TXNDC11: variants seen among roughly 807,000 people sequenced by gnomAD.
TXNDC11 encodes thioredoxin domain containing 11.
Under a neutral mutation model 78.0 loss-of-function variants are expected in TXNDC11, and 68 were observed. The ratio of observed to expected loss-of-function variants is 0.87; its 90% CI spans 0.72 to 1.07. The LOEUF is 1.07. Ranked by LOEUF, TXNDC11 falls within the 50% of genes least tolerant of loss-of-function variation. The pLI is 0.00. For synonymous variants in TXNDC11, 571 were observed against 495.2 expected, an observed-to-expected ratio of 1.15 and a Z score of -2.03; for missense variants, 1,389 against 1,221.8, an observed-to-expected ratio of 1.14 and a Z score of -2.04.
chr16:11,741,438 G>A (rs1343609970), intron 1 of TXNDC11, among the ~76,000 whole-genome samples: 1 of 152,126 alleles, frequency 6.6e-6, no homozygotes, highest in Non-Finnish European at 1.5e-5. Flanking sequence ...CCTACTGTCA[G>A]GCCTTTTTAT....
chr16:11,694,593 G>A (rs7184536), intron 7 of TXNDC11, among the ~76,000 whole-genome samples: 10,980 of 151,594 alleles, frequency 0.072, 828 homozygotes, highest in East Asian at 0.18. Context: ...GACTACAGGC[G>A]CACACCACCA....
At chr16:11,715,788 G>A (rs2051511207) in intron 5 of TXNDC11, among the ~76,000 whole-genome samples, 1 of 152,154 alleles carries the variant, frequency 6.6e-6, no homozygotes, top group Non-Finnish European at 1.5e-5. Context: ...AATAGAAGCA[G>A]GTAGGAGGTG....
At chr16:11,713,217 G>C (rs1029304951) in intron 5 of TXNDC11, among the ~76,000 whole-genome samples, 1 of 151,190 alleles carries the variant, frequency 6.6e-6, no homozygotes, top group Non-Finnish European at 1.5e-5. Flanking sequence ...AGCCTGGGGA[G>C]GTTGAGGCTG....
intron 4 of TXNDC11, among the ~76,000 whole-genome samples, chr16:11,730,394 T>A (rs561034270): frequency 6.6e-6 from 1 of 152,206 alleles, no homozygotes; most frequent in Non-Finnish European, 1.5e-5. Context: ...TAAGGCAAGA[T>A]GAAAATCTGT....
Position 11,688,330 on chromosome 16 carries a change from G to C in TXNDC11, c.2016C>G (p.Thr672=), listed in dbSNP as rs1321552074. ...QHLITEVTTD[T]FWEVVLQKQD... ...GTTTTTGAAGGACTACTTCCCAAAA[G>C]GTATCAGTTGTCACTTCAGTGATTA... Residue 672 remains threonine (T), a synonymous_variant, in exon 9 of 12, where the codon ACC becomes ACG. Coordinates refer to ENST00000283033, the MANE Select transcript of TXNDC11 (RefSeq NM_015914.7). The C allele has an allele frequency of 3.1e-6, 5 of 1,614,012 alleles. No individual in the cohort carries two copies. Among genetic ancestry groups the C allele is most frequent in the East Asian group, 2.2e-5 (1 of 44,892 alleles).
chr16:11,717,870 G>T (rs988770295), intron 5 of TXNDC11, among the ~76,000 whole-genome samples: 3 of 151,640 alleles, frequency 2.0e-5, no homozygotes, highest in Admixed American at 2.0e-4. Context: ...ATATGCACAA[G>T]AGTTCCTGTC....
At chr16:11,713,758 G>C (rs2051437677) in intron 5 of TXNDC11, among the ~76,000 whole-genome samples, 1 of 151,984 alleles carries the variant, frequency 6.6e-6, no homozygotes, top group Non-Finnish European at 1.5e-5. Flanking sequence ...ATCTATATTA[G>C]TCAGTACCCA....
intron 8 of TXNDC11, among the ~76,000 whole-genome samples, chr16:11,689,592 T>A (rs1450623736): frequency 6.6e-6 from 1 of 152,174 alleles, no homozygotes; most frequent in Non-Finnish European, 1.5e-5. Context: ...AGGCTAAACA[T>A]TTCAGAGAAG....
Position 11,730,788 on chromosome 16 carries a change from A to C in TXNDC11, c.570-14T>G, listed in dbSNP as rs758233299. Reference sequence around the variant, plus strand: ...ATTGGTCCAAAACTAGTACCAAAAAATAAAAATAAAAATAAAAATAATAAA... The same window carrying C: ...ATTGGTCCAAAACTAGTACCAAAAACTAAAAATAAAAATAAAAATAATAAA... On this transcript the variant is annotated splice_polypyrimidine_tract_variant and intron_variant, in intron 3 of 11. Coordinates refer to ENST00000283033, the MANE Select transcript of TXNDC11 (RefSeq NM_015914.7). The C allele has an allele frequency of 6.1e-6, 9 of 1,487,082 alleles. No homozygotes were observed. Among genetic ancestry groups the C allele is most frequent in the African/African-American group, 2.8e-5 (2 of 70,228 alleles). 92.1% of individuals were successfully genotyped at this position (1,487,082 alleles called of 1,614,324 possible).
chr16:11,731,081 T>G (rs1027614606), intron 3 of TXNDC11, among the ~76,000 whole-genome samples: 2 of 152,174 alleles, frequency 1.3e-5, no homozygotes, highest in Admixed American at 6.5e-5. Flanking sequence ...ATTCCCACAG[T>G]AGTTCTTTTA....
chr16:11,695,986 AC>A (rs567422283), intron 7 of TXNDC11, among the ~76,000 whole-genome samples: 33 of 151,754 alleles, frequency 2.2e-4, no homozygotes, highest in Admixed American at 5.9e-4. Context: ...AGATCATGCC[AC>A]TGTACTCCAA....
chr16:11,696,624 G>T (rs750244604), intron 7 of TXNDC11, among the ~76,000 whole-genome samples: 1 of 152,134 alleles, frequency 6.6e-6, no homozygotes, highest in Non-Finnish European at 1.5e-5. Context: ...CCTCGTGTTC[G>T]GTCATCTCAC....
intron 5 of TXNDC11, among the ~76,000 whole-genome samples, chr16:11,702,510 A>G (rs1168540646): frequency 6.6e-6 from 1 of 152,120 alleles, no homozygotes; most frequent in African/African-American, 2.4e-5. Flanking sequence ...TCTACTAAAA[A>G]TATAAAAATT....
rs371166284 is a variant in TXNDC11 at position 11,721,629 on chromosome 16, C to T, written c.741G>A (p.Gln247=). ...LGYFEFSGSP[Q]PPGYLTFFTS... The stretch of plus-strand genomic sequence containing the variant: ...TGAAGAAGGTCAAATAACCAGGAGG[C>T]TGGGGTGAGCCACTGAACTCAAAGT... Residue 247 remains glutamine (Q), a synonymous_variant, in exon 5 of 12, where the codon CAG becomes CAA. Transcript: ENST00000283033. The T allele has an allele frequency of 1.9e-4, 303 of 1,612,372 alleles. No individual in the cohort carries two copies. The highest frequency in any genetic ancestry group is 2.3e-4 in the Non-Finnish European group (277 of 1,179,050).
chr16:11,691,640 G>A lies in TXNDC11; in HGVS notation c.1550C>T (p.Ser517Leu), dbSNP rs759932571. The change falls in exon 8 of 12, where the codon TCA becomes TTA. Residue 517 changes from serine (S) to leucine (L), a missense_variant. Coordinates refer to ENST00000283033, the MANE Select transcript of TXNDC11 (RefSeq NM_015914.7). Reference sequence around the variant, plus strand: ...ACCTTGTTCAGAGTCGATGAAGCCTGACACACCCCTGCTTATGGTCCTGCA... The same window carrying A: ...ACCTTGTTCAGAGTCGATGAAGCCTAACACACCCCTGCTTATGGTCCTGCA... ...ACCRTISRGV[S>L]GFIDSEQGVF... The A allele has an allele frequency of 3.1e-6, 5 of 1,614,058 alleles. No individual in the cohort carries two copies. In the African/African-American group the frequency reaches 4.0e-5, roughly 13 times the overall value.
intron 7 of TXNDC11, among the ~76,000 whole-genome samples, chr16:11,697,343 T>G (rs534078858): frequency 6.6e-6 from 1 of 152,310 alleles, no homozygotes; most frequent in East Asian, 1.9e-4. Context: ...ACACTGGCTG[T>G]CTGAAATTGG....
chr16:11,742,454 C>T, intron 1 of TXNDC11, 23 bp downstream of exon 1: 2 of 1,390,542 alleles, frequency 1.4e-6, no homozygotes, highest in Non-Finnish European at 1.8e-6. Flanking sequence ...CCTAGCGGGG[C>T]CCCAGGGTCC....
chr16:11,688,229 C>T, intron 9 of TXNDC11, 74 bp downstream of exon 9: 2 of 1,528,736 alleles, frequency 1.3e-6, no homozygotes, highest in East Asian at 2.3e-5. Context: ...CAGCTGCTCA[C>T]CCCAACAACT....
chr16:11,685,202 A>G (rs1404043618), intron 10 of TXNDC11, among the ~76,000 whole-genome samples: 1 of 152,120 alleles, frequency 6.6e-6, no homozygotes, highest in Non-Finnish European at 1.5e-5. Context: ...TGTCTCTACA[A>G]AAAATTGGCC....
Sources: allele counts gnomAD v4.1 joint callset (sites outside exome capture counted in the v4.1 genomes callset), GRCh38; gene constraint gnomAD v4.1.1; transcripts MANE v1.5; gene names NCBI Gene and HGNC (gene_info 2026-07-23, HGNC 2026-07-21).